FLNC: variants seen among roughly 807,000 people sequenced by gnomAD.
The protein encoded by FLNC is filamin C, also known as filamin-C.
FLNC carries 91 observed loss-of-function variants against 254.3 expected under a neutral mutation model. The ratio of observed to expected loss-of-function variants is 0.36; its 90% CI spans 0.30 to 0.43. The LOEUF is 0.43. FLNC is among the 20% of genes least tolerant of loss of function. The pLI is 1.00. For missense variants in FLNC, 2,853 were observed against 3,802.6 expected (o/e 0.75, Z 6.57); for synonymous variants, 1,430 against 1,577.2 (o/e 0.91, Z 2.21).
At chr7:128,840,748 G>A (rs1160021654) in intron 10 of FLNC, 74 bp downstream of exon 10, 2 of 1,504,922 alleles carry the variant, frequency 1.3e-6, no homozygotes, top group East Asian at 2.2e-5. Flanking sequence ...TGGGCTGCGA[G>A]GGAGTTTGAG....
Position 128,850,898 on chromosome 7 carries a change from G to C in FLNC, c.5494G>C (p.Gly1832Arg). ...ITVRYAPTEK[G>R]LHQMGIKYDG... ...GGTGAGGTATGCACCCACTGAGAAA[G>C]GCCTGCACCAGATGGGGATCAAGTA... Residue 1832 changes from glycine (G) to arginine (R), a missense_variant, in exon 33 of 48, where the codon GGC becomes CGC. Gly to Arg is a moderately radical substitution (Grantham distance 125). Transcript: ENST00000325888. 6.2e-7 allele frequency: 1 copy of C among 1,613,752 alleles called. No homozygotes were observed. The highest frequency in any genetic ancestry group is 1.1e-5 in the South Asian group (1 of 91,024).
chr7:128,835,459 G>C lies in FLNC; in HGVS notation c.486G>C (p.Lys162Asn). The change falls in exon 2 of 48, where the codon AAG becomes AAC. Residue 162 changes from lysine (K) to asparagine (N), a missense_variant. Coordinates refer to ENST00000325888, the MANE Select transcript of FLNC (RefSeq NM_001458.5). This position sits in a 1 kb window ranked among gnomAD's most constrained non-coding sequence, Gnocchi z 5.3. Reference sequence around the variant, plus strand: ...AGGATGCCCGCAAACAGACGCCCAAGCAGCGGCTGCTTGGCTGGATCCAGA... The same window carrying C: ...AGGATGCCCGCAAACAGACGCCCAACCAGCGGCTGCTTGGCTGGATCCAGA... ...DDEDARKQTP[K>N]QRLLGWIQNK... The C allele has an allele frequency of 6.2e-7, 1 of 1,613,990 alleles. No individual in the cohort carries two copies. The highest frequency in any genetic ancestry group is 2.2e-5 in the East Asian group (1 of 44,880).
chr7:128,844,122 G>C lies in FLNC; in HGVS notation c.3048G>C (p.Glu1016Asp). Residue 1016 changes from glutamate (E) to aspartate (D), a missense_variant, in exon 20 of 48, where the codon GAG becomes GAC. By Grantham distance (45) the Glu-to-Asp change is conservative. Coordinates refer to ENST00000325888, the MANE Select transcript of FLNC (RefSeq NM_001458.5). ...GCCGGCCCATCCCCTGCAAGCTGGAGCCAGGCGGTGGAGCGGAAGCCCAGG... is the reference window on the plus strand; with the variant it reads ...GCCGGCCCATCCCCTGCAAGCTGGACCCAGGCGGTGGAGCGGAAGCCCAGG... ...PSRRPIPCKL[E>D]PGGGAEAQAV... 6.2e-7 allele frequency: 1 copy of C among 1,613,976 alleles called. No homozygotes were observed. Among genetic ancestry groups the C allele is most frequent in the East Asian group, 2.2e-5 (1 of 44,882 alleles).
In FLNC at chr7:128,838,600, C is replaced by T. The variant is rs1437392103; in HGVS notation, c.1211-3C>T. ...TGGTGCTGACAGCCTCTGTTTTCGG[C>T]AGGGGCCGGCACTGGCGATGTTGCT... is the stretch of plus-strand genomic sequence containing the variant. On this transcript the variant is annotated splice_region_variant and splice_polypyrimidine_tract_variant and intron_variant, in intron 7 of 47. Transcript: ENST00000325888. 1.2e-6 allele frequency: 2 copies of T among 1,612,898 alleles called. No individual in the cohort carries two copies. Among genetic ancestry groups the T allele is most frequent in the South Asian group, 2.2e-5 (2 of 91,082 alleles).
Position 128,843,891 on chromosome 7 carries a change from C to A in FLNC, c.2907C>A (p.Ile969=), listed in dbSNP as rs368059457. 2.2e-5 allele frequency: 36 copies of A among 1,613,956 alleles called. No individual in the cohort carries two copies. The East Asian group carries it at 3.8e-4, about 17-fold the overall frequency. The change falls in exon 19 of 48, where the codon ATC becomes ATA. Residue 969 remains isoleucine, a synonymous_variant. Coordinates refer to ENST00000325888, the MANE Select transcript of FLNC (RefSeq NM_001458.5). The part of the protein sequence containing the change: ...NVAPPLDLSK[I]KVQGLNSKVA... ...CACCCCCGCTGGACCTCAGCAAAATCAAAGTTCAGGGCCTTAATAGCAGTA... is the reference window on the plus strand; with the variant it reads ...CACCCCCGCTGGACCTCAGCAAAATAAAAGTTCAGGGCCTTAATAGCAGTA...
In FLNC at chr7:128,844,396, C is replaced by T. The variant is rs758973621; in HGVS notation, c.3192+130C>T. On this transcript the variant is annotated intron_variant, in intron 20 of 47. Transcript: ENST00000325888. Reference sequence around the variant, plus strand: ...CACAGCCAAGGGTGTGGGGCTGAGGCCAGCCCCACCCCACCACCTGCCTTG... The same window carrying T: ...CACAGCCAAGGGTGTGGGGCTGAGGTCAGCCCCACCCCACCACCTGCCTTG... 2.4e-3 allele frequency: 2,778 copies of T among 1,135,720 alleles called. 1 individual carries two copies. Among genetic ancestry groups the T allele is most frequent in the Non-Finnish European group, 3.1e-3 (2,562 of 820,034 alleles). The allele number at this position is 1,135,720 out of a possible 1,614,324, so 70.4% of individuals were successfully genotyped here. A position where few individuals can be genotyped will look rare whatever the true frequency, so the allele number is the denominator to read the frequency against.
chr7:128,845,964 C>T lies in FLNC; in HGVS notation c.3791-26C>T, dbSNP rs548317579. ...TGTGTGAAGGCTGCCCCCACCCCTG[C>T]TGAACACGCCACCCCTGGGCTCCAG... On this transcript the variant is annotated intron_variant, in intron 21 of 47. Coordinates refer to ENST00000325888, the MANE Select transcript of FLNC (RefSeq NM_001458.5). The T allele has an allele frequency of 1.4e-4, 226 of 1,612,288 alleles. 3 individuals are homozygous for T. In the South Asian group the frequency reaches 2.4e-3, roughly 17 times the overall value.
In FLNC at chr7:128,843,869, C is replaced by T. The variant is rs752778846; in HGVS notation, c.2885C>T (p.Pro962Leu). 1 of 1,613,930 alleles carries T rather than the reference C, an allele frequency of 6.2e-7. No homozygotes were observed. Among genetic ancestry groups the T allele is most frequent in the Non-Finnish European group, 8.5e-7 (1 of 1,180,050 alleles). ...PKSPFVVNVA[P>L]PLDLSKIKVQ... is the part of the protein sequence containing the mutation. ...AGCCCCTTTGTGGTGAATGTGGCAC[C>T]CCCGCTGGACCTCAGCAAAATCAAA... Residue 962 changes from proline to leucine, a missense_variant, in exon 19 of 48, where the codon CCC becomes CTC. Coordinates refer to ENST00000325888, the MANE Select transcript of FLNC (RefSeq NM_001458.5).
At chr7:128,843,702 A>G (rs1585158835) in intron 18 of FLNC, 94 bp from the exon 19 acceptor site, 4 of 1,485,024 alleles carry the variant, frequency 2.7e-6, no homozygotes, top group Non-Finnish European at 3.8e-6. Flanking sequence ...CCTCACTCTC[A>G]TGGTGGATCT....
At position 128,856,474 on chromosome 7, in the gene FLNC, C is replaced by A. The variant is rs374649387; in HGVS notation, c.7252-44C>A. 1 of 1,605,322 alleles carries A rather than the reference C, an allele frequency of 6.2e-7. No homozygotes were observed. Among genetic ancestry groups the A allele is most frequent in the Non-Finnish European group, 8.5e-7 (1 of 1,179,658 alleles). On this transcript the variant is annotated intron_variant, in intron 43 of 47. Coordinates refer to ENST00000325888, the MANE Select transcript of FLNC (RefSeq NM_001458.5). This position sits in a 1 kb window ranked among gnomAD's most constrained non-coding sequence, Gnocchi z 5.9. Reference sequence around the variant, plus strand: ...GGGGCTTCAGAGAAGACTGCTCCAGCCCCGGCCTCCCAGGAGTCTGAGCAT... The same window carrying A: ...GGGGCTTCAGAGAAGACTGCTCCAGACCCGGCCTCCCAGGAGTCTGAGCAT...
intron 33 of FLNC, 30 bp downstream of exon 33, chr7:128,850,973 T>G: frequency 6.2e-7 from 1 of 1,612,154 alleles, no homozygotes; most frequent in Non-Finnish European, 8.5e-7. Flanking sequence ...GGGCTGGGGC[T>G]TGGGTGAGAG....
Position 128,842,564 on chromosome 7 carries a change from C to A in FLNC, c.2266-11C>A. The stretch of plus-strand genomic sequence containing the variant: ...GGAGGGCACCACGCTGAGCTGCGAC[C>A]CCTCCCGCAGGTGAACGTGGGCGAG... On this transcript the variant is annotated splice_polypyrimidine_tract_variant and intron_variant, in intron 14 of 47. Coordinates refer to ENST00000325888, the MANE Select transcript of FLNC (RefSeq NM_001458.5). This position sits in a 1 kb window ranked among gnomAD's most constrained non-coding sequence, Gnocchi z 5.4. The A allele has an allele frequency of 6.5e-7, 1 of 1,548,792 alleles. No individual in the cohort carries two copies. Among genetic ancestry groups the A allele is most frequent in the Non-Finnish European group, 8.7e-7 (1 of 1,146,718 alleles).
At chr7:128,837,022 G>C in intron 2 of FLNC, 138 bp from the exon 3 acceptor site, 1 of 676,536 alleles carries the variant, frequency 1.5e-6, no homozygotes, top group Non-Finnish European at 2.7e-6. Context: ...GGGTCAGCAG[G>C]AACCTGGCTG....
Position 128,853,808 on chromosome 7 carries a change from G to C in FLNC, c.6455G>C (p.Ser2152Thr). The change falls in exon 39 of 48, where the codon AGC becomes ACC. Residue 2152 changes from serine to threonine, a missense_variant. By Grantham distance (58) the Ser-to-Thr change is moderately conservative. Transcript: ENST00000325888. Reference sequence around the variant, plus strand: ...GCACCTTCCATCGCCACCATCGGCAGCACCTGTGACCTCAACCTCAAGATC... The same window carrying C: ...GCACCTTCCATCGCCACCATCGGCACCACCTGTGACCTCAACCTCAAGATC... ...RQAPSIATIG[S>T]TCDLNLKIPG... The C allele has an allele frequency of 6.2e-7, 1 of 1,613,590 alleles. No homozygotes were observed. Among genetic ancestry groups the C allele is most frequent in the South Asian group, 1.1e-5 (1 of 91,084 alleles).
intron 1 of FLNC, among the ~76,000 whole-genome samples, chr7:128,832,728 C>G (rs1332480029): frequency 6.6e-6 from 1 of 152,202 alleles, no homozygotes; most frequent in East Asian, 1.9e-4. Context: ...GAGGCAGTCC[C>G]CATTTGGGCC....
At chr7:128,839,925 G>T (rs955269299) in intron 8 of FLNC, 98 bp from the exon 9 acceptor site, 1 of 1,500,246 alleles carries the variant, frequency 6.7e-7, no homozygotes, top group African/African-American at 1.4e-5. Flanking sequence ...GCCACTGCCT[G>T]TGCCTGGGAG....
At position 128,858,506 on chromosome 7, in the gene FLNC, A is replaced by G. The variant is rs1242525826; in HGVS notation, c.8161A>G (p.Lys2721Glu). The change falls in exon 48 of 48, where the codon AAA (lysine) becomes GAA (glutamate). Residue 2721 changes from lysine to glutamate, a missense_variant. This residue lies in a region of FLNC where 197 missense variants were observed against 351.5 expected (regional missense o/e 0.56). Coordinates refer to ENST00000325888, the MANE Select transcript of FLNC (RefSeq NM_001458.5). The surrounding 1 kb of genome is among the most constrained non-coding windows in gnomAD (Gnocchi z 6.7). ...GDESVPGSPF[K>E]VKVP Reference sequence around the variant, plus strand: ...CGAAAGTGTCCCTGGAAGCCCCTTCAAAGTCAAGGTCCCTTGAATCCCAAA... The same window carrying G: ...CGAAAGTGTCCCTGGAAGCCCCTTCGAAGTCAAGGTCCCTTGAATCCCAAA... 6.2e-7 allele frequency: 1 copy of G among 1,613,430 alleles called. No homozygotes were observed. Among genetic ancestry groups the G allele is most frequent in the East Asian group, 2.2e-5 (1 of 44,890 alleles).
chr7:128,844,147 G>A lies in FLNC; in HGVS notation c.3073G>A (p.Ala1025Thr). 6.2e-7 allele frequency: 1 copy of A among 1,613,948 alleles called. No individual in the cohort carries two copies. Among genetic ancestry groups the A allele is most frequent in the Non-Finnish European group, 8.5e-7 (1 of 1,180,032 alleles). ...LEPGGGAEAQAVRYMPPEEGP... is the reference protein window; with the variant it reads ...LEPGGGAEAQTVRYMPPEEGP... ...GCCAGGCGGTGGAGCGGAAGCCCAG[G>A]CTGTGCGCTACATGCCCCCGGAGGA... Residue 1025 changes from alanine to threonine, a missense_variant, in exon 20 of 48, where the codon GCT (alanine) becomes ACT (threonine). Coordinates refer to ENST00000325888, the MANE Select transcript of FLNC (RefSeq NM_001458.5).
In FLNC at chr7:128,837,721, T is replaced by G. The variant is rs1808156535; in HGVS notation, c.935T>G (p.Val312Gly). ...TVDAGVGEVL[V>G]YIEDPEGHTE... Reference sequence around the variant, plus strand: ...GACGCGGGCGTGGGCGAGGTGCTGGTCTACATCGAGGACCCTGAAGGCCAC... The same window carrying G: ...GACGCGGGCGTGGGCGAGGTGCTGGGCTACATCGAGGACCCTGAAGGCCAC... The change falls in exon 5 of 48, where the codon GTC (valine) becomes GGC (glycine). Residue 312 changes from valine (V) to glycine (G), a missense_variant. By Grantham distance (109) the Val-to-Gly change is moderately radical. Around this residue, in one of 10 missense-constraint regions of FLNC, gnomAD observed 1,573 missense variants for 1,883.5 expected, o/e 0.84. Coordinates refer to ENST00000325888, the MANE Select transcript of FLNC (RefSeq NM_001458.5). The G allele has an allele frequency of 1.3e-6, 2 of 1,599,622 alleles. No individual in the cohort carries two copies. The highest frequency in any genetic ancestry group is 1.7e-6 in the Non-Finnish European group (2 of 1,173,922).
Sources: allele counts gnomAD v4.1 joint callset (sites outside exome capture counted in the v4.1 genomes callset), GRCh38; gene constraint gnomAD v4.1.1; regional missense constraint gnomAD v4.1.1; non-coding constraint Gnocchi (gnomAD v3.1); transcripts MANE v1.5; gene names NCBI Gene and HGNC (gene_info 2026-07-23, HGNC 2026-07-21).